Variants in ARHGEF28 observed in about 807,000 individuals in gnomAD.
ARHGEF28 encodes the protein 190 kDa guanine nucleotide exchange factor.
Under a neutral mutation model 206.6 loss-of-function variants are expected in ARHGEF28, and 152 were observed. That is an observed-to-expected ratio of 0.74 (90% CI 0.64 to 0.84). The LOEUF is 0.84. ARHGEF28 is among the 40% of genes least tolerant of loss of function. ARHGEF28 has a pLI of 0.00. For missense variants in ARHGEF28, 2,028 were observed against 2,073.2 expected (o/e 0.98, Z 0.42); for synonymous variants, 763 against 776.4 (o/e 0.98, Z 0.29).
intron 2 of ARHGEF28, among the ~76,000 whole-genome samples, chr5:73,721,187 T>C: frequency 6.6e-6 from 1 of 152,126 alleles, no homozygotes; most frequent in Admixed American, 6.6e-5. Context: ...CTCTCCACCA[T>C]GTATGAGGAA....
intron 20 of ARHGEF28, 99 bp from the exon 21 acceptor site, chr5:73,869,970 C>A (rs1759989243): frequency 3.6e-6 from 5 of 1,382,414 alleles, no homozygotes; most frequent in Non-Finnish European, 3.9e-6. Context: ...ATGTTCATAG[C>A]AGATTTATTT....
chr5:73,864,786 G>T (rs773891687), intron 16 of ARHGEF28, 31 bp from the exon 17 acceptor site: 16 of 1,597,922 alleles, frequency 1.0e-5, no homozygotes, highest in Non-Finnish European at 1.4e-5. Context: ...AAGTAAGATG[G>T]ATGCTTTTGT....
At chr5:73,870,250 G>A in intron 21 of ARHGEF28, 41 bp downstream of exon 21, 1 of 1,578,418 alleles carries the variant, frequency 6.3e-7, no homozygotes, top group Non-Finnish European at 8.6e-7. Flanking sequence ...AAGCAGTGCG[G>A]TTCAGAGAAA....
At chr5:73,744,530 G>A (rs1336565014) in intron 2 of ARHGEF28, among the ~76,000 whole-genome samples, 2 of 145,236 alleles carry the variant, frequency 1.4e-5, no homozygotes, top group Non-Finnish European at 3.0e-5. Context: ...CTACAGGAAA[G>A]GCTCTGTATA....
At chr5:73,893,805 G>A (rs1761795220) in intron 28 of ARHGEF28, among the ~76,000 whole-genome samples, 1 of 152,168 alleles carries the variant, frequency 6.6e-6, no homozygotes, top group African/African-American at 2.4e-5. Flanking sequence ...GTAGACTTTG[G>A]GGTTTTCAGC....
intron 9 of ARHGEF28, among the ~76,000 whole-genome samples, chr5:73,797,246 A>T (rs1754874200): frequency 6.6e-6 from 1 of 151,044 alleles, no homozygotes; most frequent in Non-Finnish European, 1.5e-5. Context: ...AAGTCCCCTG[A>T]GTTTTTGCAA....
intron 4 of ARHGEF28, among the ~76,000 whole-genome samples, chr5:73,764,850 C>G (rs1414266927): frequency 6.6e-6 from 1 of 152,184 alleles, no homozygotes; most frequent in Admixed American, 6.5e-5. Context: ...CATGCCAGAG[C>G]TCTGAGTAGG....
chr5:73,771,820 G>A (rs1753243833), intron 4 of ARHGEF28, among the ~76,000 whole-genome samples: 1 of 152,120 alleles, frequency 6.6e-6, no homozygotes, highest in African/African-American at 2.4e-5. Flanking sequence ...GGATAAAATA[G>A]TCAAAGATAA....
intron 22 of ARHGEF28, among the ~76,000 whole-genome samples, chr5:73,875,177 G>T (rs1476115593): frequency 2.0e-5 from 3 of 151,928 alleles, no homozygotes; most frequent in Admixed American, 1.3e-4. Flanking sequence ...CAGTGATGAT[G>T]AGCATTTTTT....
intron 4 of ARHGEF28, among the ~76,000 whole-genome samples, chr5:73,770,748 G>A (rs752916985): frequency 2.6e-5 from 4 of 152,118 alleles, no homozygotes; most frequent in Admixed American, 6.5e-5. Flanking sequence ...ACAACATTTT[G>A]GTCAGTTTTT....
intron 2 of ARHGEF28, among the ~76,000 whole-genome samples, chr5:73,747,374 A>G (rs1751777995): frequency 6.6e-6 from 1 of 152,076 alleles, no homozygotes; most frequent in South Asian, 2.1e-4. Flanking sequence ...GAAAGATCCC[A>G]CTCTTACCCA....
At chr5:73,873,369 A>T (rs1760233929) in intron 22 of ARHGEF28, 123 bp downstream of exon 22, 1 of 1,290,014 alleles carries the variant, frequency 7.8e-7, no homozygotes, top group Non-Finnish European at 1.0e-6. Flanking sequence ...CATTCTGAGG[A>T]TGTGTTTACC....
rs181823923 is a variant in ARHGEF28, at chr5:73,758,097, C to T, written c.475+4895C>T. Among the ~76,000 whole-genome samples the T allele has an allele frequency of 6.6e-4, 100 of 152,232 alleles. 1 individual carries two copies. The highest frequency in any genetic ancestry group is 2.4e-3 in the African/African-American group (98 of 41,536). ...GTAGCTTGATATGGCTGGCAAGCAC[C>T]AAGCTTGCCAACACCAGTGAGGGGC... On this transcript the variant is annotated intron_variant, in intron 4 of 35. Transcript: ENST00000513042.
chr5:73,827,320 G>A (rs1198562349), intron 9 of ARHGEF28, among the ~76,000 whole-genome samples: 1 of 152,152 alleles, frequency 6.6e-6, no homozygotes, highest in Non-Finnish European at 1.5e-5. Context: ...GTTTTTGAAT[G>A]TGTAACATTA....
At chr5:73,925,678 C>T (rs964191486) in intron 35 of ARHGEF28, among the ~76,000 whole-genome samples, 7 of 152,142 alleles carry the variant, frequency 4.6e-5, no homozygotes, top group East Asian at 1.9e-4. Flanking sequence ...GGGTGAATTT[C>T]GCTGATTCTA....
chr5:73,922,104 T>C (rs1302189270), intron 35 of ARHGEF28, among the ~76,000 whole-genome samples: 6 of 152,232 alleles, frequency 3.9e-5, no homozygotes, highest in African/African-American at 1.4e-4. Context: ...CTTAAGACTT[T>C]CTTGTGGATT....
chr5:73,705,046 A>G (rs1437032947), intron 2 of ARHGEF28, among the ~76,000 whole-genome samples: 1 of 152,216 alleles, frequency 6.6e-6, no homozygotes, highest in South Asian at 2.1e-4. Context: ...GCATGTTGAA[A>G]GAGTTAACAT....
At chr5:73,834,828 A>G (rs1364772867) in intron 10 of ARHGEF28, among the ~76,000 whole-genome samples, 4 of 152,112 alleles carry the variant, frequency 2.6e-5, no homozygotes, top group African/African-American at 7.2e-5. Context: ...AGGCTATACT[A>G]GCAGGTTTGT....
chr5:73,754,428 C>T (rs772698448), intron 4 of ARHGEF28, among the ~76,000 whole-genome samples: 2 of 152,012 alleles, frequency 1.3e-5, no homozygotes, highest in African/African-American at 2.4e-5. Context: ...TGTGTGGTGG[C>T]TAATTGATAC....
Sources: allele counts gnomAD v4.1 joint callset (sites outside exome capture counted in the v4.1 genomes callset), GRCh38; gene constraint gnomAD v4.1.1; transcripts MANE v1.5; gene names NCBI Gene and HGNC (gene_info 2026-07-23, HGNC 2026-07-21).